PRRC2B: variants seen among roughly 807,000 people sequenced by gnomAD.
PRRC2B encodes the protein proline rich coiled-coil 2B, also known as protein PRRC2B.
Under a neutral mutation model 242.3 loss-of-function variants are expected in PRRC2B, and 68 were observed. The observed-to-expected ratio is 0.28, with a 90% confidence interval of 0.23 to 0.34. The LOEUF (loss-of-function observed/expected upper bound fraction) is 0.34. Ranked by LOEUF, PRRC2B falls within the 10% of genes least tolerant of loss-of-function variation. The probability of loss-of-function intolerance (pLI) is 1.00; values close to 1 mark genes in which losing one functional copy is unlikely to be tolerated. For synonymous variants in PRRC2B, 1,228 were observed against 1,173.6 expected, an observed-to-expected ratio of 1.05 and a Z score of -0.95; for missense variants, 2,835 against 2,954.8, an observed-to-expected ratio of 0.96 and a Z score of 0.94.
chr9:131,475,771 T>C lies in PRRC2B; in HGVS notation c.3642T>C (p.Tyr1214=), dbSNP rs1028577477. Reference sequence around the variant, plus strand: ...CTCCCCGGCTGAGCAATTGCGGGTATGGACGGAGAACCTTCGTCTCCAAAG... The same window carrying C: ...CTCCCCGGCTGAGCAATTGCGGGTACGGACGGAGAACCTTCGTCTCCAAAG... ...ALPPRLSNCG[Y]GRRTFVSKES... is the part of the protein sequence containing the mutation. Residue 1214 remains tyrosine (Y), a synonymous_variant, in exon 16 of 32, where the codon TAT becomes TAC. Coordinates refer to ENST00000683519, the MANE Select transcript of PRRC2B (RefSeq NM_013318.4). 1.2e-6 allele frequency: 2 copies of C among 1,613,620 alleles called. No homozygotes were observed. The highest frequency in any genetic ancestry group is 1.7e-6 in the Non-Finnish European group (2 of 1,179,780).
chr9:131,446,328 C>T lies in PRRC2B; in HGVS notation c.614-73C>T. 1 of 1,542,514 alleles carries T rather than the reference C, an allele frequency of 6.5e-7. No individual in the cohort carries two copies. Among genetic ancestry groups the T allele is most frequent in the Non-Finnish European group, 8.8e-7 (1 of 1,140,280 alleles). On this transcript the variant is annotated intron_variant, in intron 6 of 31. Transcript: ENST00000683519. The surrounding 1 kb of genome is among the most constrained non-coding windows in gnomAD (Gnocchi z 4.1). ...TTTGGTGAAGGAGGGGGTCCCTTGA[C>T]CTTCAGAACCTCATACGATCCCTCC...
In PRRC2B at chr9:131,436,540, A is replaced by AGCTGTG. The variant is rs1588249906; in HGVS notation, c.294-76_294-71dup. The AGCTGTG allele has an allele frequency of 1.0e-5, 11 of 1,084,524 alleles. No individual in the cohort carries two copies. In the East Asian group the frequency reaches 2.7e-4, roughly 27 times the overall value. The allele number at this position is 1,084,524 out of a possible 1,614,324, so 67.2% of individuals were successfully genotyped here. ...GTCTGCTTCCTGTGAGCAGCTGAACAGCTGTGGCTCCTGAGAACGCAGAGA... is the reference window on the plus strand; with the variant it reads ...GTCTGCTTCCTGTGAGCAGCTGAACAGCTGTGGCTGTGGCTCCTGAGAACGCAGAGA... On this transcript the variant is annotated intron_variant, in intron 3 of 31. Transcript: ENST00000683519.
At chr9:131,427,527 T>A (rs2131318833) in intron 1 of PRRC2B, among the ~76,000 whole-genome samples, 1 of 152,266 alleles carries the variant, frequency 6.6e-6, no homozygotes, top group East Asian at 1.9e-4. Flanking sequence ...AGAAGGGGTT[T>A]CACCGTGTTA....
At position 131,495,819 on chromosome 9, in the gene PRRC2B, A is replaced by G. The variant is rs1182224099; in HGVS notation, c.6635A>G (p.Lys2212Arg). 1.2e-6 allele frequency: 2 copies of G among 1,612,750 alleles called. No homozygotes were observed. The highest frequency in any genetic ancestry group is 1.7e-5 in the Admixed American group (1 of 60,018). The part of the protein sequence containing the change: ...QEAPSAASQM[K>R]RTGAIKPRAV... ...GCCCCCTCGGCTGCCTCCCAGATGA[A>G]GCGAACCGGAGCGATCAAGCCTCGG... is the stretch of plus-strand genomic sequence containing the variant. Residue 2212 changes from lysine (K) to arginine (R), a missense_variant, in exon 32 of 32, where the codon AAG becomes AGG. Lys to Arg is a conservative substitution (Grantham distance 26). Coordinates refer to ENST00000683519, the MANE Select transcript of PRRC2B (RefSeq NM_013318.4).
chr9:131,392,083 T>C (rs1836907796), upstream of PRRC2B, among the ~76,000 whole-genome samples: 3 of 150,882 alleles, frequency 2.0e-5, no homozygotes, highest in Admixed American at 2.0e-4. Flanking sequence ...TTATTTCTTT[T>C]TTGCTTGTTT....
chr9:131,407,039 C>T (rs1837382799), intron 1 of PRRC2B, among the ~76,000 whole-genome samples: 1 of 152,190 alleles, frequency 6.6e-6, no homozygotes, highest in African/African-American at 2.4e-5. Context: ...TAAGCAAAGA[C>T]ATCTCATATG....
At chr9:131,428,254 T>A (rs1162855847) in intron 1 of PRRC2B, among the ~76,000 whole-genome samples, 1 of 151,780 alleles carries the variant, frequency 6.6e-6, no homozygotes, top group Non-Finnish European at 1.5e-5. Flanking sequence ...AGGATCTTGC[T>A]CTGTTGCTCG....
chr9:131,376,046 C>CAAAAA (rs56400904), intron 1 of PRRC2B, among the ~76,000 whole-genome samples: 1 of 72,976 alleles, frequency 1.4e-5, no homozygotes, highest in African/African-American at 5.7e-5. Flanking sequence ...GAGACTGTCT[C>CAAAAA]AAAAAAAAAA....
At chr9:131,379,391 A>G (rs1012440585) in intron 1 of PRRC2B, among the ~76,000 whole-genome samples, 8 of 152,130 alleles carry the variant, frequency 5.3e-5, no homozygotes, top group Non-Finnish European at 1.2e-4. Flanking sequence ...TAGCTGCACT[A>G]TTTTACATTT....
chr9:131,400,310 T>C (rs1358178008), intron 1 of PRRC2B, among the ~76,000 whole-genome samples: 1 of 151,664 alleles, frequency 6.6e-6, no homozygotes, highest in Non-Finnish European at 1.5e-5. Flanking sequence ...TGTTTGTTTT[T>C]CTTTTCTTTT....
intron 1 of PRRC2B, among the ~76,000 whole-genome samples, chr9:131,428,380 C>T (rs1838031090): frequency 6.6e-6 from 1 of 151,896 alleles, no homozygotes; most frequent in Admixed American, 6.6e-5. Context: ...GCCACCATGC[C>T]CTGCTAATTA....
In PRRC2B at chr9:131,487,864, T is replaced by C; in HGVS notation, c.5993T>C (p.Val1998Ala). 1.2e-6 allele frequency: 2 copies of C among 1,609,630 alleles called. No homozygotes were observed. The highest frequency in any genetic ancestry group is 3.3e-4 in the Middle Eastern group (2 of 6,048). ...CTGTCTGGCTTTTGCAGATCTCAGG[T>C]GTACATGCACCCCAGCCTGTCACCG... ...FSSLQPFRSQ[V>A]YMHPSLSPPS... The change falls in exon 28 of 32, where the codon GTG (valine) becomes GCG (alanine). Residue 1998 changes from valine to alanine, a missense_variant. Coordinates refer to ENST00000683519, the MANE Select transcript of PRRC2B (RefSeq NM_013318.4). This position sits in a 1 kb window ranked among gnomAD's most constrained non-coding sequence, Gnocchi z 5.3.
intron 16 of PRRC2B, 111 bp downstream of exon 16, chr9:131,476,646 C>A: frequency 1.0e-6 from 1 of 953,106 alleles, no homozygotes; most frequent in Non-Finnish European, 1.5e-6. Flanking sequence ...GGGGCCTGCC[C>A]CCAGGCCGTC....
chr9:131,392,711 C>G (rs1424540949), upstream of PRRC2B, among the ~76,000 whole-genome samples: 1 of 151,910 alleles, frequency 6.6e-6, no homozygotes, highest in Non-Finnish European at 1.5e-5. Flanking sequence ...GCAGGAGTTC[C>G]AGACCAACTT....
Position 131,493,665 on chromosome 9 carries a change from TAA to T in PRRC2B, c.6474-738_6474-737del, listed in dbSNP as rs563704792. ...GGTTGGGGAAATTGCTATAATTGTA[TAA>T]AGCAGTGTTTGCCAAAGTGTTCTGG... On this transcript the variant is annotated intron_variant, in intron 30 of 31. Coordinates refer to ENST00000683519, the MANE Select transcript of PRRC2B (RefSeq NM_013318.4). Among the ~76,000 whole-genome samples the T allele has an allele frequency of 8.5e-5, 13 of 152,358 alleles. No individual in the cohort carries two copies. The South Asian group carries it at 2.7e-3, about 32-fold the overall frequency.
intron 13 of PRRC2B, among the ~76,000 whole-genome samples, chr9:131,470,558 T>C (rs1943513725): frequency 6.6e-6 from 1 of 152,064 alleles, no homozygotes; most frequent in Non-Finnish European, 1.5e-5. Flanking sequence ...TGAGCCTCCA[T>C]TGTGATAATG....
At chr9:131,402,153 G>A (rs1047232149) in intron 1 of PRRC2B, among the ~76,000 whole-genome samples, 2 of 149,436 alleles carry the variant, frequency 1.3e-5, no homozygotes, top group Non-Finnish European at 3.0e-5. Flanking sequence ...ACGGAGTTTC[G>A]CCATGTTGGC....
intron 10 of PRRC2B, among the ~76,000 whole-genome samples, chr9:131,457,374 A>G (rs1943111697): frequency 6.6e-6 from 1 of 152,208 alleles, no homozygotes; most frequent in African/African-American, 2.4e-5. Flanking sequence ...GGCGATGGGA[A>G]CTGCATATTC....
intron 29 of PRRC2B, 61 bp downstream of exon 29, chr9:131,491,641 T>A (rs1944198597): frequency 6.8e-7 from 1 of 1,465,686 alleles, no homozygotes; most frequent in Non-Finnish European, 9.2e-7. Context: ...CAACTTTTTC[T>A]AGCAAGCTAA....
Sources: allele counts gnomAD v4.1 joint callset (sites outside exome capture counted in the v4.1 genomes callset), GRCh38; gene constraint gnomAD v4.1.1; non-coding constraint Gnocchi (gnomAD v3.1); transcripts MANE v1.5; gene names NCBI Gene and HGNC (gene_info 2026-07-23, HGNC 2026-07-21).